Variants in WNT6 observed in about 807,000 individuals in gnomAD.
WNT6 encodes protein Wnt-6.
In WNT6, 27 loss-of-function variants were observed where a neutral mutation model predicts 33.1. That is an observed-to-expected ratio of 0.82 (90% CI 0.60 to 1.12). WNT6 has a LOEUF of 1.12. Among genes scored for constraint, WNT6 ranks in the 50% most tolerant of loss-of-function variants. The probability of loss-of-function intolerance (pLI) is 0.00; values close to 1 mark genes in which losing one functional copy is unlikely to be tolerated. For missense variants in WNT6, 494 were observed against 535.3 expected, an observed-to-expected ratio of 0.92 and a Z score of 0.76; for synonymous variants, 249 against 242.8, an observed-to-expected ratio of 1.03 and a Z score of -0.24.
intron 1 of WNT6, among the ~76,000 whole-genome samples, chr2:218,860,390 T>A (rs1178568237): frequency 6.6e-6 from 1 of 152,082 alleles, no homozygotes; most frequent in East Asian, 1.9e-4. Context: ...GTAGGAAAGA[T>A]CTTTCGGGAA....
Position 218,871,738 on chromosome 2 carries a change from C to G in WNT6, c.555C>G (p.Leu185=). The change falls in exon 3 of 4, where the codon CTC becomes CTG. Residue 185 remains leucine, a synonymous_variant. Transcript: ENST00000233948. This position sits in a 1 kb window ranked among gnomAD's most constrained non-coding sequence, Gnocchi z 6.4. ...DVDFGDEKSR[L]FMDARHKRGR... is the part of the protein sequence containing the mutation. Reference sequence around the variant, plus strand: ...ACTTCGGGGACGAGAAGTCGAGGCTCTTTATGGACGCGCGGCACAAGCGGG... The same window carrying G: ...ACTTCGGGGACGAGAAGTCGAGGCTGTTTATGGACGCGCGGCACAAGCGGG... 1 of 1,602,714 alleles carries G rather than the reference C, an allele frequency of 6.2e-7. No homozygotes were observed. Among genetic ancestry groups the G allele is most frequent in the African/African-American group, 1.4e-5 (1 of 73,734 alleles).
At chr2:218,860,844 G>A (rs1944301628) in intron 1 of WNT6, among the ~76,000 whole-genome samples, 1 of 148,586 alleles carries the variant, frequency 6.7e-6, no homozygotes, top group African/African-American at 2.5e-5. Context: ...TAGCTAGAAG[G>A]GACACCTAGG....
At chr2:218,870,799 G>C (rs1226902238) in intron 1 of WNT6, among the ~76,000 whole-genome samples, 1 of 152,252 alleles carries the variant, frequency 6.6e-6, no homozygotes, top group Non-Finnish European at 1.5e-5. Flanking sequence ...AGGAAGATAA[G>C]ATTGAATCTT....
At chr2:218,863,643 G>C (rs771399302) in intron 1 of WNT6, among the ~76,000 whole-genome samples, 10 of 152,198 alleles carry the variant, frequency 6.6e-5, no homozygotes, top group Non-Finnish European at 1.2e-4. Flanking sequence ...GAGGTCAGGA[G>C]TTCGAGACCA....
rs552661195 is a variant in WNT6, at chr2:218,859,887, G to A, written c.-151G>A. 1 of 407,218 alleles carries A rather than the reference G, an allele frequency of 2.5e-6. No individual in the cohort carries two copies. The highest frequency in any genetic ancestry group is 3.5e-6 in the Non-Finnish European group (1 of 284,528). The allele number at this position is 407,218 out of a possible 1,614,324, so 25.2% of individuals were successfully genotyped here. A position where few individuals can be genotyped will look rare whatever the true frequency, so the allele number is the denominator to read the frequency against. The stretch of plus-strand genomic sequence containing the variant: ...GCCTCCGCCGCGCCCTCCTCGCCCG[G>A]GATGGGCCCCCCCGCCGCCGCCGGA... On this transcript the variant is annotated 5_prime_UTR_variant, in exon 1 of 4. Transcript: ENST00000233948.
In WNT6 at chr2:218,867,113, C is replaced by T. The variant is rs1944360065; in HGVS notation, c.81-3914C>T. ...TGGAATAGATTCAGAGTTAATCAAC[C>T]TTGCTAGGGGTACGGGGCTGTGTGG... On this transcript the variant is annotated intron_variant, in intron 1 of 3. Coordinates refer to ENST00000233948, the MANE Select transcript of WNT6 (RefSeq NM_006522.4). The surrounding 1 kb of genome is among the most constrained non-coding windows in gnomAD (Gnocchi z 4.9). 6.6e-6 allele frequency among the ~76,000 whole-genome samples: 1 copy of T among 152,152 alleles called. No homozygotes were observed. Among genetic ancestry groups the T allele is most frequent in the South Asian group, 2.1e-4 (1 of 4,828 alleles).
chr2:218,870,966 C>T, intron 1 of WNT6, 61 bp from the exon 2 acceptor site: 1 of 1,475,518 alleles, frequency 6.8e-7, no homozygotes, highest in South Asian at 1.3e-5. Context: ...TGGTCCTCCT[C>T]CCTTCCACCC....
chr2:218,869,539 T>C (rs1431498607), intron 1 of WNT6, among the ~76,000 whole-genome samples: 1 of 152,160 alleles, frequency 6.6e-6, no homozygotes, highest in African/African-American at 2.4e-5. Context: ...CCATTCTCTA[T>C]GTTTTCTCTC....
chr2:218,860,078 T>C lies in WNT6; in HGVS notation c.41T>C (p.Leu14Pro). Residue 14 changes from leucine to proline, a missense_variant, in exon 1 of 4, where the codon CTG (leucine) becomes CCG (proline). Leu to Pro is a moderately conservative substitution (Grantham distance 98). Transcript: ENST00000233948. ...PLPSRLGLLL[L>P]LLLCPAHVGG... is the part of the protein sequence containing the mutation. ...CCCTCCCGCCTCGGGCTGCTGCTGC[T>C]GCTGCTCCTGTGCCCGGCGCACGTC... The C allele has an allele frequency of 6.5e-7, 1 of 1,526,848 alleles. No homozygotes were observed. Among genetic ancestry groups the C allele is most frequent in the Non-Finnish European group, 8.8e-7 (1 of 1,142,260 alleles). 94.6% of individuals were successfully genotyped at this position (1,526,848 alleles called of 1,614,324 possible).
At chr2:218,869,250 G>A (rs939724690) in intron 1 of WNT6, among the ~76,000 whole-genome samples, 20 of 152,246 alleles carry the variant, frequency 1.3e-4, no homozygotes, top group Admixed American at 5.2e-4. Flanking sequence ...GAGAATGCAC[G>A]TGCACACACA....
rs962740423 is a variant in WNT6, at chr2:218,873,122, C to G, written c.637-262C>G. 2.0e-4 allele frequency among the ~76,000 whole-genome samples: 30 copies of G among 152,096 alleles called. No homozygotes were observed. The highest frequency in any genetic ancestry group is 6.3e-4 in the African/African-American group (26 of 41,398). ...TCTCCCCCACCCCCTGCCTTTGGAC[C>G]CTGGAATCTCTGCGCTGCATATTGT... On this transcript the variant is annotated intron_variant, in intron 3 of 3. Transcript: ENST00000233948. This position sits in a 1 kb window ranked among gnomAD's most constrained non-coding sequence, Gnocchi z 6.1.
chr2:218,866,455 A>G (rs891696895), intron 1 of WNT6, among the ~76,000 whole-genome samples: 1 of 152,126 alleles, frequency 6.6e-6, no homozygotes, highest in African/African-American at 2.4e-5. Context: ...AGAGAGTTGG[A>G]GAAAAGGGTG....
At chr2:218,865,579 T>C (rs1944347739) in intron 1 of WNT6, among the ~76,000 whole-genome samples, 1 of 152,192 alleles carries the variant, frequency 6.6e-6, no homozygotes, top group African/African-American at 2.4e-5. Flanking sequence ...CCACCCGGAA[T>C]GCAGGCAGCT....
chr2:218,859,931 C>G lies in WNT6; in HGVS notation c.-107C>G, dbSNP rs1415991497. On this transcript the variant is annotated 5_prime_UTR_variant, in exon 1 of 4. Transcript: ENST00000233948. ...CGCCGGATCCCTCGCCTCCCGGCCG[C>G]CGCCGTTGCGCTCGCCGCGCTCGCA... 1.0e-6 allele frequency: 1 copy of G among 970,882 alleles called. No homozygotes were observed. The highest frequency in any genetic ancestry group is 4.6e-5 in the East Asian group (1 of 21,664). 60.1% of individuals were successfully genotyped at this position (970,882 alleles called of 1,614,324 possible).
Position 218,871,482 on chromosome 2 carries a change from C to T in WNT6, c.302-3C>T, listed in dbSNP as rs1173439624. 1.3e-6 allele frequency: 2 copies of T among 1,597,304 alleles called. No homozygotes were observed. Among genetic ancestry groups the T allele is most frequent in the African/African-American group, 2.7e-5 (2 of 74,902 alleles). ...CGCTGATTGCACCTGTCTGCATTCACAGACATTCGGGAGACGGCCTTCGTG... is the reference window on the plus strand; with the variant it reads ...CGCTGATTGCACCTGTCTGCATTCATAGACATTCGGGAGACGGCCTTCGTG... On this transcript the variant is annotated splice_polypyrimidine_tract_variant and splice_region_variant and intron_variant, in intron 2 of 3. Coordinates refer to ENST00000233948, the MANE Select transcript of WNT6 (RefSeq NM_006522.4). The surrounding 1 kb of genome is among the most constrained non-coding windows in gnomAD (Gnocchi z 6.4).
chr2:218,873,808 G>A lies in WNT6; in HGVS notation c.1061G>A (p.Arg354His). 6.5e-7 allele frequency: 1 copy of A among 1,544,926 alleles called. No individual in the cohort carries two copies. The highest frequency in any genetic ancestry group is 8.7e-7 in the Non-Finnish European group (1 of 1,151,262). The change falls in exon 4 of 4, where the codon CGC becomes CAC. Residue 354 changes from arginine to histidine, a missense_variant. Physicochemically the swap from Arg to His is conservative, Grantham distance 29 (BLOSUM62 0). Transcript: ENST00000233948. The surrounding 1 kb of genome is among the most constrained non-coding windows in gnomAD (Gnocchi z 6.1). ...TGGTGCTGCGTAGTACAGTGCCACC[G>A]CTGCCGTGTGCGCAAGGAGCTCAGC... ...FHWCCVVQCH[R>H]CRVRKELSLC...
chr2:218,860,638 C>G (rs1393429222), intron 1 of WNT6, among the ~76,000 whole-genome samples: 4 of 152,206 alleles, frequency 2.6e-5, no homozygotes, highest in Non-Finnish European at 5.9e-5. Flanking sequence ...CCCTGGTTTT[C>G]TCTACCTCGT....
intron 1 of WNT6, among the ~76,000 whole-genome samples, chr2:218,865,630 T>C (rs753830554): frequency 1.3e-4 from 20 of 152,074 alleles, no homozygotes; most frequent in Non-Finnish European, 2.8e-4. Flanking sequence ...CAGTGCCTCA[T>C]TCTTGTGAGG....
chr2:218,865,195 T>C (rs1468007494), intron 1 of WNT6, among the ~76,000 whole-genome samples: 1 of 152,184 alleles, frequency 6.6e-6, no homozygotes, highest in African/African-American at 2.4e-5. Context: ...ATGTGCACTA[T>C]GATGGAGAAA....
Sources: gnomAD v4.1 joint callset for allele counts (sites outside exome capture counted in the v4.1 genomes callset) on GRCh38, gnomAD v4.1.1 for gene constraint, Gnocchi (gnomAD v3.1) non-coding constraint, MANE v1.5 for transcripts, NCBI Gene and HGNC (gene_info 2026-07-23, HGNC 2026-07-21) for gene names.